Variants in RAD17 observed in about 807,000 individuals in gnomAD.
RAD17 encodes RAD17 checkpoint clamp loader component.
RAD17 carries 31 observed loss-of-function variants against 81.5 expected under a neutral mutation model. The observed-to-expected ratio is 0.38, with a 90% CI of 0.29 to 0.51. The LOEUF (loss-of-function observed/expected upper bound fraction) is 0.51. Among genes scored for constraint, RAD17 ranks in the 20% least tolerant of loss-of-function variants. RAD17 has a pLI of 0.88. For missense variants in RAD17, 681 were observed against 781.2 expected (o/e 0.87, Z 1.53); for synonymous variants, 261 against 266.2 (o/e 0.98, Z 0.19).
In RAD17 at chr5:69,386,032, A is replaced by G. The variant is rs370723892; in HGVS notation, c.646-11A>G. 1.3e-6 allele frequency: 2 copies of G among 1,542,894 alleles called. No individual in the cohort carries two copies. The highest frequency in any genetic ancestry group is 2.8e-5 in the African/African-American group (2 of 71,708). On this transcript the variant is annotated splice_polypyrimidine_tract_variant and intron_variant, in intron 8 of 18. Coordinates refer to ENST00000354868, the MANE Select transcript of RAD17 (RefSeq NM_133338.3). ...AAAACTATACTATTATTTATTTTTT[A>G]TTTTCAATAGGATTTACCTAACCAG...
At chr5:69,369,451 G>A (rs751283583), upstream of RAD17, 2 of 1,609,612 alleles carry the variant, frequency 1.2e-6, no homozygotes, top group Non-Finnish European at 8.5e-7. Flanking sequence ...CCTCCCGGCC[G>A]CGCGCCCTGA....
intron 17 of RAD17, among the ~76,000 whole-genome samples, chr5:69,405,088 C>G (rs1220230780): frequency 6.6e-6 from 1 of 152,180 alleles, no homozygotes; most frequent in Non-Finnish European, 1.5e-5. Context: ...GTTAGAATGG[C>G]CGTTACCAAA....
Position 69,373,952 on chromosome 5 carries a change from A to G in RAD17, c.132A>G (p.Thr44=), listed in dbSNP as rs769888772. 14 of 1,613,502 alleles carry G rather than the reference A, an allele frequency of 8.7e-6. No individual in the cohort carries two copies. Among genetic ancestry groups the G allele is most frequent in the South Asian group, 3.3e-5 (3 of 91,066 alleles). The change falls in exon 5 of 19, where the codon ACA becomes ACG. Residue 44 remains threonine (T), a synonymous_variant. Coordinates refer to ENST00000354868, the MANE Select transcript of RAD17 (RefSeq NM_133338.3). ...SSHRRKNGPS[T]LESSRFPARK... is the part of the protein sequence containing the mutation. ...ATAGAAGAAAAAATGGGCCTTCTAC[A>G]TTAGAAAGCAGCAGATTTCCAGCGA... is the stretch of plus-strand genomic sequence containing the variant.
At chr5:69,411,355 G>T (rs1765987022) in intron 18 of RAD17, among the ~76,000 whole-genome samples, 1 of 151,942 alleles carries the variant, frequency 6.6e-6, no homozygotes, top group Non-Finnish European at 1.5e-5. Flanking sequence ...AGGTTGCAGT[G>T]AGCCAAGATC....
At chr5:69,403,235 T>C (rs1384260947) in intron 17 of RAD17, among the ~76,000 whole-genome samples, 1 of 152,216 alleles carries the variant, frequency 6.6e-6, no homozygotes, top group Non-Finnish European at 1.5e-5. Flanking sequence ...TTCCGTGTGT[T>C]TTTAGTCTCC....
intron 6 of RAD17, among the ~76,000 whole-genome samples, chr5:69,376,474 C>T (rs949137415): frequency 1.3e-5 from 2 of 152,066 alleles, no homozygotes; most frequent in Admixed American, 1.3e-4. Context: ...GTATCTTTTC[C>T]TTTTTTAAAA....
chr5:69,379,264 A>G (rs1015031667), intron 6 of RAD17, among the ~76,000 whole-genome samples: 1 of 152,174 alleles, frequency 6.6e-6, no homozygotes, highest in Non-Finnish European at 1.5e-5. Context: ...TGGTAAAAAC[A>G]TGGTTATAAA....
rs1474100237 is a variant in RAD17, at chr5:69,372,158, G to A, written c.-51G>A. ...ATTTTCATACTCTCAAAAATATAGA[G>A]GAAAGGGGCCAAGATTATAGTACCA... On this transcript the variant is annotated 5_prime_UTR_variant, in exon 4 of 19. Transcript: ENST00000354868. 1.3e-6 allele frequency: 2 copies of A among 1,590,296 alleles called. No individual in the cohort carries two copies. Among genetic ancestry groups the A allele is most frequent in the Non-Finnish European group, 1.7e-6 (2 of 1,165,316 alleles).
At chr5:69,397,589 T>C (rs573308019) in intron 16 of RAD17, among the ~76,000 whole-genome samples, 2 of 151,996 alleles carry the variant, frequency 1.3e-5, no homozygotes, top group African/African-American at 4.8e-5. Flanking sequence ...CATAGTGAGA[T>C]CCCATATCTA....
chr5:69,384,527 G>A (rs1011152104), intron 7 of RAD17, among the ~76,000 whole-genome samples: 3 of 152,282 alleles, frequency 2.0e-5, no homozygotes, highest in South Asian at 2.1e-4. Context: ...TGTTGCCCAG[G>A]TTGCTCTTGA....
At chr5:69,405,062 A>G (rs1166266326) in intron 17 of RAD17, among the ~76,000 whole-genome samples, 3 of 152,222 alleles carry the variant, frequency 2.0e-5, no homozygotes, top group Non-Finnish European at 4.4e-5. Context: ...CCACAATGAG[A>G]TATCATATTA....
intron 6 of RAD17, among the ~76,000 whole-genome samples, chr5:69,379,818 T>G (rs990475049): frequency 6.6e-6 from 1 of 152,066 alleles, no homozygotes; most frequent in Non-Finnish European, 1.5e-5. Flanking sequence ...TCATCTCTTA[T>G]GACAACAGTG....
intron 18 of RAD17, among the ~76,000 whole-genome samples, chr5:69,410,965 C>CTGTCTA (rs35777347): frequency 2.5e-4 from 23 of 90,250 alleles, no homozygotes; most frequent in African/African-American, 1.1e-3. Flanking sequence ...AGATGTCTGT[C>CTGTCTA]TATATATATA....
intron 6 of RAD17, among the ~76,000 whole-genome samples, chr5:69,380,184 T>A (rs1763762811): frequency 1.4e-5 from 2 of 146,354 alleles, no homozygotes; most frequent in African/African-American, 4.9e-5. Flanking sequence ...CCCGGCCAAC[T>A]TTTTTTTTTA....
At position 69,372,181 on chromosome 5, in the gene RAD17, C is replaced by T. The variant is rs754124726; in HGVS notation, c.-28C>T. On this transcript the variant is annotated 5_prime_UTR_variant, in exon 4 of 19. Coordinates refer to ENST00000354868, the MANE Select transcript of RAD17 (RefSeq NM_133338.3). ...GAGGAAAGGGGCCAAGATTATAGTA[C>T]CAGTCACAATCTTTTGATGAGGACG... is the stretch of plus-strand genomic sequence containing the variant. 2.5e-6 allele frequency: 4 copies of T among 1,607,418 alleles called. No individual in the cohort carries two copies. Among genetic ancestry groups the T allele is most frequent in the African/African-American group, 1.3e-5 (1 of 74,718 alleles).
chr5:69,390,281 A>T (rs539982148), intron 12 of RAD17, among the ~76,000 whole-genome samples: 1 of 152,244 alleles, frequency 6.6e-6, no homozygotes, highest in Non-Finnish European at 1.5e-5. Flanking sequence ...TCAAATCCAG[A>T]TCCTGTGCTC....
At chr5:69,412,707 G>A (rs1165715166) in intron 18 of RAD17, among the ~76,000 whole-genome samples, 1 of 152,114 alleles carries the variant, frequency 6.6e-6, no homozygotes, top group Admixed American at 6.6e-5. Context: ...GACAGTAATA[G>A]GCCAGGCGCA....
At chr5:69,412,318 G>A (rs910034639) in intron 18 of RAD17, among the ~76,000 whole-genome samples, 2 of 151,982 alleles carry the variant, frequency 1.3e-5, no homozygotes, top group Non-Finnish European at 2.9e-5. Context: ...TATTTATGTT[G>A]ACCATATTTA....
At chr5:69,397,501 C>T (rs10072904) in intron 16 of RAD17, among the ~76,000 whole-genome samples, 75,190 of 151,904 alleles carry the variant, frequency 0.49, 18,654 homozygotes, top group South Asian at 0.54. Context: ...TGGTGGCTCA[C>T]ACCTGTAATC....
Sources: allele counts gnomAD v4.1 joint callset (sites outside exome capture counted in the v4.1 genomes callset), GRCh38; gene constraint gnomAD v4.1.1; transcripts MANE v1.5; gene names NCBI Gene and HGNC (gene_info 2026-07-23, HGNC 2026-07-21).